The following WWTR1 variants were observed in gnomAD, a reference collection of about 807,000 sequenced individuals.
WWTR1 encodes the protein WW domain containing transcription regulator 1.
In WWTR1, 13 loss-of-function variants were observed where a neutral mutation model predicts 40.1. The ratio of observed to expected loss-of-function variants is 0.32; its 90% CI spans 0.21 to 0.52. The LOEUF is 0.52. Ranked by LOEUF, WWTR1 falls within the 20% of genes least tolerant of loss-of-function variation. The pLI is 0.97. For missense variants in WWTR1, 436 were observed against 523.1 expected, an observed-to-expected ratio of 0.83 and a Z score of 1.63; for synonymous variants, 230 against 210.1, an observed-to-expected ratio of 1.09 and a Z score of -0.82.
chr3:149,625,508 G>C (rs564673076), intron 2 of WWTR1, among the ~76,000 whole-genome samples: 1 of 152,048 alleles, frequency 6.6e-6, no homozygotes, highest in Non-Finnish European at 1.5e-5. Context: ...ATTAGGGGCT[G>C]AGCATGGTAT....
At chr3:149,600,338 T>G (rs1739187155) in intron 2 of WWTR1, among the ~76,000 whole-genome samples, 1 of 152,306 alleles carries the variant, frequency 6.6e-6, no homozygotes, top group African/African-American at 2.4e-5. Context: ...GGGAATATAA[T>G]TGAGTTAATA....
At chr3:149,716,723 T>C (rs1275520419) in intron 5 of WWTR1, among the ~76,000 whole-genome samples, 1 of 152,170 alleles carries the variant, frequency 6.6e-6, no homozygotes, top group Non-Finnish European at 1.5e-5. Context: ...TTAATACTCA[T>C]ATTATTTCAT....
At chr3:149,667,910 T>C (rs867350638) in intron 2 of WWTR1, among the ~76,000 whole-genome samples, 3 of 152,174 alleles carry the variant, frequency 2.0e-5, no homozygotes, top group African/African-American at 7.2e-5. Context: ...TTAAAACATC[T>C]TGATAAGATA....
chr3:149,644,851 C>CT (rs1315306134), intron 2 of WWTR1, among the ~76,000 whole-genome samples: 1 of 151,932 alleles, frequency 6.6e-6, no homozygotes, highest in Non-Finnish European at 1.5e-5. Context: ...CTGTTCACTT[C>CT]TTTTTTTACT....
chr3:149,574,846 G>A (rs899250830), intron 2 of WWTR1, among the ~76,000 whole-genome samples: 2 of 150,438 alleles, frequency 1.3e-5, no homozygotes, highest in Non-Finnish European at 2.9e-5. Context: ...TCTAATCCCA[G>A]CACTTTGGGA....
intron 4 of WWTR1, 29 bp downstream of exon 4, chr3:149,542,306 C>G (rs1246003732): frequency 6.2e-7 from 1 of 1,602,160 alleles, no homozygotes; most frequent in Non-Finnish European, 8.5e-7. Flanking sequence ...GGCCAGGGAG[C>G]CTCCACCAGA....
intron 1 of WWTR1, among the ~76,000 whole-genome samples, chr3:149,693,534 G>C (rs1714888251): frequency 6.6e-6 from 1 of 152,018 alleles, no homozygotes; most frequent in Non-Finnish European, 1.5e-5. Context: ...GCCATTTTGA[G>C]CAAAAAGAAC....
chr3:149,531,943 T>C (rs1560046803), intron 4 of WWTR1, among the ~76,000 whole-genome samples: 1 of 152,164 alleles, frequency 6.6e-6, no homozygotes, highest in Non-Finnish European at 1.5e-5. Flanking sequence ...TAGCCTATTG[T>C]ATACAACCCA....
chr3:149,591,207 G>C (rs1000226588), intron 2 of WWTR1, among the ~76,000 whole-genome samples: 3 of 152,086 alleles, frequency 2.0e-5, no homozygotes, highest in Non-Finnish European at 2.9e-5. Context: ...GAGGTAAAAG[G>C]ACTCTGAAGA....
At chr3:149,629,021 C>T (rs1252805230) in intron 2 of WWTR1, among the ~76,000 whole-genome samples, 4 of 152,186 alleles carry the variant, frequency 2.6e-5, no homozygotes, top group East Asian at 1.9e-4. Flanking sequence ...ATCTTACCAT[C>T]GTGTCCTCCC....
chr3:149,704,651 G>C (rs888923881), upstream of WWTR1, among the ~76,000 whole-genome samples: 1 of 151,994 alleles, frequency 6.6e-6, no homozygotes, highest in African/African-American at 2.4e-5. Context: ...CTCAGACCAA[G>C]AAAAAAGACC....
At chr3:149,690,561 TACA>T (rs144440918) in intron 1 of WWTR1, among the ~76,000 whole-genome samples, 2,952 of 152,146 alleles carry the variant, frequency 0.019, 98 homozygotes, top group African/African-American at 0.067. Context: ...AGCAAGATAA[TACA>T]ACAATTATAA....
At chr3:149,565,210 T>A (rs901099065) in intron 3 of WWTR1, among the ~76,000 whole-genome samples, 8 of 152,044 alleles carry the variant, frequency 5.3e-5, no homozygotes, top group African/African-American at 7.2e-5. Context: ...ATAAATAAAT[T>A]TATTTATTTT....
intron 3 of WWTR1, among the ~76,000 whole-genome samples, chr3:149,571,214 CTTTTTTTT>C (rs10535515): frequency 9.1e-4 from 92 of 101,256 alleles, no homozygotes; most frequent in Middle Eastern, 6.3e-3. Flanking sequence ...TTTTTCTTTT[CTTTTTTTT>C]TTTTTTTTTT....
At chr3:149,717,547 C>A (rs1715643791) in exon 5 of WWTR1, 1 of 152,100 alleles carries the variant, frequency 6.6e-6, no homozygotes. Flanking sequence ...GGTGCCAGAG[C>A]AAATCCAGAG....
intron 2 of WWTR1, among the ~76,000 whole-genome samples, chr3:149,585,013 G>GA (rs952350193): frequency 5.9e-5 from 9 of 151,358 alleles, no homozygotes; most frequent in East Asian, 1.9e-4. Flanking sequence ...TGCAAAAAAA[G>GA]AAAAAAAATC....
At chr3:149,563,901 G>A (rs1737194961) in intron 3 of WWTR1, among the ~76,000 whole-genome samples, 1 of 152,132 alleles carries the variant, frequency 6.6e-6, no homozygotes, top group African/African-American at 2.4e-5. Context: ...ACAGGTGTGT[G>A]CCACCACACC....
chr3:149,622,502 G>GAAGGAAGGAAGGAAGGAAGAAAGA (rs1553800283), intron 2 of WWTR1, among the ~76,000 whole-genome samples: 10 of 46,314 alleles, frequency 2.2e-4, no homozygotes, highest in Non-Finnish European at 3.4e-4. Flanking sequence ...AGGAAGGAAG[G>GAAGGAAGGAAGGAAGGAAGAAAGA]AAGAAAGAAA....
At chr3:149,584,286 C>A (rs963766789) in intron 2 of WWTR1, among the ~76,000 whole-genome samples, 4 of 152,156 alleles carry the variant, frequency 2.6e-5, no homozygotes, top group Admixed American at 6.5e-5. Flanking sequence ...ACCAAAAATT[C>A]TTTTGGGTTA....
Sources: gnomAD v4.1 joint callset for allele counts (sites outside exome capture counted in the v4.1 genomes callset) on GRCh38, gnomAD v4.1.1 for gene constraint, MANE v1.5 for transcripts, NCBI Gene and HGNC (gene_info 2026-07-23, HGNC 2026-07-21) for gene names.